Variants in WDR17 observed in about 807,000 individuals in gnomAD.
WDR17 encodes the protein WD repeat domain 17.
In WDR17, 143 loss-of-function variants were observed where a neutral mutation model predicts 161.7. That is an observed-to-expected ratio of 0.88 (90% CI 0.77 to 1.02). WDR17 has a LOEUF of 1.02. WDR17 is among the 50% of genes least tolerant of loss of function. The pLI is 0.00. For synonymous variants in WDR17, 517 were observed against 515.6 expected, an observed-to-expected ratio of 1.00 and a Z score of -0.04; for missense variants, 1,469 against 1,520.9, an observed-to-expected ratio of 0.97 and a Z score of 0.57.
rs1445193986 is a variant in WDR17, at chr4:176,163,191, AGTTGGCAGTCTGT to A, written c.2891_2903del (p.Leu964TrpfsTer5). 2 of 1,614,114 alleles carry A rather than the reference AGTTGGCAGTCTGT, an allele frequency of 1.2e-6. No individual in the cohort carries two copies. ...TACCTGATTCGCGGAAATGAACTGG[AGTTGGCAGTCTGT>A]GTGGGCACAGTACTAGGAGAGTCTG... On this transcript the variant is annotated frameshift_variant, in exon 22 of 29. Transcript: ENST00000508596. LOFTEE classifies it high-confidence loss of function.
chr4:176,082,574 T>G (rs1734887131), intron 1 of WDR17, among the ~76,000 whole-genome samples: 1 of 152,196 alleles, frequency 6.6e-6, no homozygotes, highest in South Asian at 2.1e-4. Flanking sequence ...ACCCTTGTCC[T>G]TAACGATCCA....
At chr4:176,092,160 G>A (rs1332703500) in intron 1 of WDR17, among the ~76,000 whole-genome samples, 1 of 151,914 alleles carries the variant, frequency 6.6e-6, no homozygotes, top group African/African-American at 2.4e-5. Context: ...AAAATTAAAG[G>A]CCAGTGTTTC....
At chr4:176,175,415 A>G (rs1215711317) in intron 26 of WDR17, among the ~76,000 whole-genome samples, 4 of 152,196 alleles carry the variant, frequency 2.6e-5, no homozygotes, top group African/African-American at 7.2e-5. Flanking sequence ...AACTTCTTAT[A>G]CTATAAAATA....
intron 1 of WDR17, chr4:176,096,607 T>C: frequency 6.4e-7 from 1 of 1,556,316 alleles, no homozygotes; most frequent in Non-Finnish European, 8.7e-7. Context: ...TTACTTGTAA[T>C]TACGATTTCC....
Position 176,174,533 on chromosome 4 carries a change from T to C in WDR17, c.3348-84T>C, listed in dbSNP as rs962311008. Reference sequence around the variant, plus strand: ...GCTATAAATGTCACCTTTCAGAATATATAAAGTACATGAACTGTGTATCAG... The same window carrying C: ...GCTATAAATGTCACCTTTCAGAATACATAAAGTACATGAACTGTGTATCAG... On this transcript the variant is annotated intron_variant, in intron 25 of 28. Transcript: ENST00000508596. 63 of 953,128 alleles carry C rather than the reference T, an allele frequency of 6.6e-5. No homozygotes were observed. In the African/African-American group the frequency reaches 9.7e-4, roughly 15 times the overall value. The allele number at this position is 953,128 out of a possible 1,614,324, so 59.0% of individuals were successfully genotyped here. A position where few individuals can be genotyped will look rare whatever the true frequency, so the allele number is the denominator to read the frequency against.
intron 1 of WDR17, among the ~76,000 whole-genome samples, chr4:176,103,746 G>A (rs1016559944): frequency 5.9e-5 from 9 of 151,880 alleles, no homozygotes; most frequent in African/African-American, 1.9e-4. Flanking sequence ...TTGAAGAGAA[G>A]TAAGCAAAAC....
At chr4:176,067,977 G>A (rs1302364219) in intron 1 of WDR17, among the ~76,000 whole-genome samples, 1 of 152,094 alleles carries the variant, frequency 6.6e-6, no homozygotes, top group African/African-American at 2.4e-5. Flanking sequence ...CTTTAATGAC[G>A]ACTAAAATGT....
chr4:176,088,231 T>G (rs1351537277), intron 1 of WDR17, among the ~76,000 whole-genome samples: 4 of 152,148 alleles, frequency 2.6e-5, no homozygotes, highest in Admixed American at 1.3e-4. Context: ...TACTGCACAT[T>G]AAAGATAGTA....
chr4:176,089,509 G>T (rs1163948344), intron 1 of WDR17, among the ~76,000 whole-genome samples: 1 of 152,026 alleles, frequency 6.6e-6, no homozygotes, highest in South Asian at 2.1e-4. Context: ...CCTTTCTGTG[G>T]CAGCCAGTCT....
At chr4:176,066,972 G>T (rs1732612166) in intron 1 of WDR17, among the ~76,000 whole-genome samples, 2 of 152,070 alleles carry the variant, frequency 1.3e-5, no homozygotes, top group African/African-American at 2.4e-5. Flanking sequence ...GAAAATAAAT[G>T]ACAATGAATT....
intron 16 of WDR17, 91 bp downstream of exon 16, chr4:176,150,684 T>C: frequency 4.7e-6 from 6 of 1,288,850 alleles, no homozygotes; most frequent in Non-Finnish European, 5.2e-6. Flanking sequence ...ATATATATGA[T>C]TAGATCGGTA....
chr4:176,153,489 G>A (rs1205485295), intron 17 of WDR17, among the ~76,000 whole-genome samples: 1 of 152,152 alleles, frequency 6.6e-6, no homozygotes, highest in Non-Finnish European at 1.5e-5. Flanking sequence ...CCTGAGTGTT[G>A]ATTACATGGG....
intron 1 of WDR17, among the ~76,000 whole-genome samples, chr4:176,110,377 C>T (rs1184301854): frequency 3.3e-5 from 5 of 152,100 alleles, no homozygotes; most frequent in African/African-American, 9.7e-5. Context: ...CCGCCCTCTT[C>T]GGCCTCCCAA....
intron 1 of WDR17, among the ~76,000 whole-genome samples, chr4:176,067,030 T>C (rs1732619681): frequency 6.6e-6 from 1 of 152,214 alleles, no homozygotes; most frequent in African/African-American, 2.4e-5. Context: ...AGCATTAATT[T>C]ATTTGTAGAT....
At position 176,136,771 on chromosome 4, in the gene WDR17, C is replaced by A. The variant is rs184367071; in HGVS notation, c.1268-749C>A. On this transcript the variant is annotated intron_variant, in intron 8 of 28. Transcript: ENST00000508596. ...CATATCCCCAATAATTTAAGAACCC[C>A]AAAAGGAGAGCAGTTTAAAAATGTT... is the stretch of plus-strand genomic sequence containing the variant. Among the ~76,000 whole-genome samples, 590 of 151,506 alleles carry A rather than the reference C, an allele frequency of 3.9e-3. 4 individuals carry two copies. Among genetic ancestry groups the A allele is most frequent in the Middle Eastern group, 0.024 (7 of 294 alleles).
chr4:176,167,536 C>G (rs1168718501), intron 22 of WDR17, among the ~76,000 whole-genome samples: 2 of 147,100 alleles, frequency 1.4e-5, no homozygotes, highest in Admixed American at 6.8e-5. Flanking sequence ...GTCCCAGCTA[C>G]TCGGGAGGCT....
rs1249717817 is a variant in WDR17 at position 176,163,103 on chromosome 4, A to T, written c.2851-51A>T. On this transcript the variant is annotated intron_variant, in intron 21 of 28. Transcript: ENST00000508596. ...TTTATGAGCTTGGAGGGGAATGATG[A>T]TCCTACCCAGCTTCTATGCAACTGA... 2.5e-6 allele frequency: 4 copies of T among 1,611,564 alleles called. No individual in the cohort carries two copies. In the Admixed American group the frequency reaches 6.7e-5, roughly 27 times the overall value.
At chr4:176,160,868 A>C (rs1300729020) in intron 19 of WDR17, 43 bp from the exon 20 acceptor site, 2 of 1,470,920 alleles carry the variant, frequency 1.4e-6, no homozygotes, top group South Asian at 1.4e-5. Flanking sequence ...GTCAATTATC[A>C]ACAATTAGCT....
chr4:176,076,181 G>GGTATGGATA (rs1319356547), intron 1 of WDR17, among the ~76,000 whole-genome samples: 3 of 140,410 alleles, frequency 2.1e-5, no homozygotes, highest in Middle Eastern at 3.8e-3. Flanking sequence ...AATATACCCA[G>GGTATGGATA]GTATGGATAG....
Sources: gnomAD v4.1 joint callset for allele counts (sites outside exome capture counted in the v4.1 genomes callset) on GRCh38, gnomAD v4.1.1 for gene constraint, MANE v1.5 for transcripts, NCBI Gene and HGNC (gene_info 2026-07-23, HGNC 2026-07-21) for gene names.